The following APBA2 variants were observed in gnomAD, a reference collection of about 807,000 sequenced individuals.
APBA2 encodes the protein amyloid beta precursor protein binding family A member 2, also known as amyloid-beta A4 precursor protein-binding family A member 2.
Under a neutral mutation model 75.0 loss-of-function variants are expected in APBA2, and 30 were observed. That is an observed-to-expected ratio of 0.40 (90% confidence interval 0.30 to 0.54). The LOEUF is 0.54. Among genes scored for constraint, APBA2 ranks in the 20% least tolerant of loss-of-function variants. The pLI, the probability that APBA2 is intolerant of heterozygous loss-of-function variation, is 0.49. For synonymous variants in APBA2, 444 were observed against 409.6 expected (o/e 1.08, Z -1.01); for missense variants, 801 against 1,016.1 (o/e 0.79, Z 2.88).
intron 1 of APBA2, among the ~76,000 whole-genome samples, chr15:28,892,740 T>G (rs981786176): frequency 1.3e-5 from 2 of 152,192 alleles, no homozygotes; most frequent in Non-Finnish European, 2.9e-5. Context: ...TTCCTGGAAT[T>G]GACTCTCCAG....
intron 2 of APBA2, among the ~76,000 whole-genome samples, chr15:28,957,221 C>T (rs964040283): frequency 5.4e-5 from 8 of 148,834 alleles, no homozygotes; most frequent in African/African-American, 1.8e-4. Flanking sequence ...TACAGGCGCC[C>T]GCCACCGTGC....
intron 14 of APBA2, among the ~76,000 whole-genome samples, chr15:29,116,609 C>A (rs1319626854): frequency 1.4e-5 from 2 of 146,134 alleles, no homozygotes; most frequent in Non-Finnish European, 3.0e-5. Flanking sequence ...GCCTGGGCGA[C>A]AGAGCAAGAC....
intron 1 of APBA2, among the ~76,000 whole-genome samples, chr15:28,909,349 G>T (rs1266592472): frequency 2.0e-5 from 3 of 152,120 alleles, no homozygotes; most frequent in Non-Finnish European, 4.4e-5. Flanking sequence ...CATGTGAGTG[G>T]AATCATACAA....
intron 2 of APBA2, among the ~76,000 whole-genome samples, chr15:28,962,041 C>A (rs1013992293): frequency 6.6e-6 from 1 of 152,092 alleles, no homozygotes; most frequent in African/African-American, 2.4e-5. Context: ...ATTTGTTTCC[C>A]ATGACCTTCC....
At chr15:29,085,582 C>T (rs905869177) in intron 6 of APBA2, among the ~76,000 whole-genome samples, 6 of 151,392 alleles carry the variant, frequency 4.0e-5, no homozygotes, top group South Asian at 2.1e-4. Flanking sequence ...AAAAGATAAC[C>T]GGTGAGGTTG....
intron 2 of APBA2, among the ~76,000 whole-genome samples, chr15:28,978,439 G>A (rs970918857): frequency 1.3e-5 from 2 of 152,190 alleles, no homozygotes; most frequent in Non-Finnish European, 2.9e-5. Context: ...GCCCCAGGCC[G>A]GTGGCACACC....
chr15:29,053,658 C>T (rs1441476974), intron 3 of APBA2, among the ~76,000 whole-genome samples, 187 bp from the exon 4 acceptor site: 1 of 151,958 alleles, frequency 6.6e-6, no homozygotes, highest in Non-Finnish European at 1.5e-5. Context: ...CCCTCGTTCT[C>T]CTTGGTGTGG....
chr15:29,045,176 C>T (rs887722525), intron 3 of APBA2, among the ~76,000 whole-genome samples: 5 of 150,860 alleles, frequency 3.3e-5, no homozygotes, highest in Non-Finnish European at 7.4e-5. Context: ...CTCCCAGGTT[C>T]GAGTGATTCT....
intron 3 of APBA2, among the ~76,000 whole-genome samples, chr15:29,053,068 G>T (rs1267782379): frequency 2.0e-5 from 3 of 152,134 alleles, no homozygotes; most frequent in Admixed American, 6.5e-5. Context: ...TGTGGTTTGG[G>T]GGATAAAGTG....
At chr15:29,070,011 C>T (rs10152599) in intron 4 of APBA2, among the ~76,000 whole-genome samples, 10,612 of 152,244 alleles carry the variant, frequency 0.07, 975 homozygotes, top group African/African-American at 0.21. Flanking sequence ...AGACCAAGCA[C>T]GGAGAATAAA....
At chr15:29,013,696 G>A (rs914680629) in intron 3 of APBA2, among the ~76,000 whole-genome samples, 3 of 152,240 alleles carry the variant, frequency 2.0e-5, no homozygotes, top group Non-Finnish European at 4.4e-5. Context: ...GACCTTGGAA[G>A]ACAGTATTCA....
intron 6 of APBA2, 150 bp from the exon 7 acceptor site, chr15:29,092,925 C>T (rs2152951728): frequency 2.0e-6 from 2 of 1,021,722 alleles, no homozygotes; most frequent in South Asian, 2.6e-5. Context: ...GACCGGCCGC[C>T]CGTGGCTGGC....
At chr15:29,016,135 T>C (rs542986876) in intron 3 of APBA2, among the ~76,000 whole-genome samples, 31 of 152,302 alleles carry the variant, frequency 2.0e-4, no homozygotes, top group African/African-American at 7.0e-4. Context: ...CGCATGCCTG[T>C]GATCCCAGCT....
chr15:29,094,223 GCACC>G, intron 7 of APBA2, 51 bp from the exon 8 acceptor site: 5 of 1,594,558 alleles, frequency 3.1e-6, no homozygotes, highest in Non-Finnish European at 4.3e-6. Context: ...ATAACCTCAC[GCACC>G]TTCCTTCTCT....
rs138913246 is a variant in APBA2, at chr15:28,968,275, C to T, written c.-94-27478C>T. ...GTGCAAATAATCTCTTGGAGATAGA[C>T]CCTGCTTTTCATTCTTTTGGGTGTA... On this transcript the variant is annotated intron_variant, in intron 2 of 14. Coordinates refer to ENST00000683413, the MANE Select transcript of APBA2 (RefSeq NM_001353788.2). Among the ~76,000 whole-genome samples the T allele has an allele frequency of 4.4e-3, 673 of 152,304 alleles. 4 individuals carry two copies. The highest frequency in any genetic ancestry group is 0.015 in the African/African-American group (638 of 41,558).
chr15:28,976,532 C>T (rs1036958194), intron 2 of APBA2, among the ~76,000 whole-genome samples: 1 of 152,140 alleles, frequency 6.6e-6, no homozygotes, highest in African/African-American at 2.4e-5. Context: ...AGTTTTTTCT[C>T]CCTTTAATTG....
At chr15:28,909,600 A>G (rs1178747944) in intron 1 of APBA2, among the ~76,000 whole-genome samples, 3 of 152,206 alleles carry the variant, frequency 2.0e-5, no homozygotes, top group Non-Finnish European at 4.4e-5. Context: ...GGTTGGGTGG[A>G]CAGGCCAAAG....
chr15:28,899,109 G>C (rs2032687577), intron 1 of APBA2, among the ~76,000 whole-genome samples: 1 of 152,244 alleles, frequency 6.6e-6, no homozygotes, highest in African/African-American at 2.4e-5. Context: ...CAGTCGGGGG[G>C]AGATGTGGCG....
At chr15:28,934,131 C>T (rs1176596878) in intron 2 of APBA2, among the ~76,000 whole-genome samples, 3 of 152,158 alleles carry the variant, frequency 2.0e-5, no homozygotes, top group African/African-American at 7.2e-5. Flanking sequence ...ACTCACAGGC[C>T]AGCCAGCCCT....
Sources: allele counts gnomAD v4.1 joint callset (sites outside exome capture counted in the v4.1 genomes callset), GRCh38; gene constraint gnomAD v4.1.1; transcripts MANE v1.5; gene names NCBI Gene and HGNC (gene_info 2026-07-23, HGNC 2026-07-21).